The following KIF9 variants were observed in gnomAD, a reference collection of about 807,000 sequenced individuals.
KIF9 encodes the protein kinesin-like protein KIF9.
In KIF9, 68 loss-of-function variants were observed where a neutral mutation model predicts 94.8. The ratio of observed to expected loss-of-function variants is 0.72; its 90% confidence interval spans 0.59 to 0.88. The LOEUF is 0.88. Among genes scored for constraint, KIF9 ranks in the 40% least tolerant of loss-of-function variants. The pLI is 0.00. For missense variants in KIF9, 882 were observed against 982.5 expected, an observed-to-expected ratio of 0.90 and a Z score of 1.37; for synonymous variants, 343 against 362.1, an observed-to-expected ratio of 0.95 and a Z score of 0.60.
At chr3:47,263,059 T>G (rs762012163) in intron 9 of KIF9, among the ~76,000 whole-genome samples, 51 of 152,054 alleles carry the variant, frequency 3.4e-4, no homozygotes, top group Admixed American at 1.2e-3. Context: ...CCACCATGCC[T>G]AGCTAATTTT....
intron 17 of KIF9, chr3:47,239,939 G>A: frequency 1.5e-6 from 2 of 1,367,388 alleles, no homozygotes; most frequent in Non-Finnish European, 2.0e-6. Context: ...GTAAGACTGA[G>A]CCAGGAGTGT....
intron 18 of KIF9, 73 bp from the exon 19 acceptor site, chr3:47,236,222 T>C (rs1464169730): frequency 2.5e-6 from 3 of 1,202,010 alleles, no homozygotes; most frequent in East Asian, 4.7e-5. Flanking sequence ...CTTATATCTG[T>C]TGCAGGCTCA....
chr3:47,262,946 T>A (rs1205728147), intron 9 of KIF9, among the ~76,000 whole-genome samples: 4 of 152,192 alleles, frequency 2.6e-5, no homozygotes, highest in Non-Finnish European at 5.9e-5. Context: ...TCACCCAGGC[T>A]GGAGTGCAGT....
intron 20 of KIF9, among the ~76,000 whole-genome samples, chr3:47,233,965 C>T (rs1045170927): frequency 2.6e-5 from 4 of 152,112 alleles, no homozygotes; most frequent in Non-Finnish European, 5.9e-5. Context: ...GTAGCATGCC[C>T]CCAGCTACTC....
At chr3:47,236,311 C>T (rs1699022202) in intron 18 of KIF9, 132 bp downstream of exon 18, 2 of 1,097,692 alleles carry the variant, frequency 1.8e-6, no homozygotes, top group Admixed American at 2.1e-5. Context: ...GGGAACCACA[C>T]ATCTCAAGCC....
intron 10 of KIF9, among the ~76,000 whole-genome samples, chr3:47,253,320 T>C (rs763253420): frequency 2.0e-5 from 3 of 152,004 alleles, no homozygotes; most frequent in Non-Finnish European, 4.4e-5. Context: ...TACACTGAGC[T>C]AATTTTTACA....
intron 20 of KIF9, among the ~76,000 whole-genome samples, chr3:47,235,248 G>A (rs1332590291): frequency 6.6e-6 from 1 of 152,222 alleles, no homozygotes; most frequent in East Asian, 1.9e-4. Flanking sequence ...AAGCCTCAGG[G>A]GATCCCTGGG....
intron 9 of KIF9, among the ~76,000 whole-genome samples, chr3:47,258,947 T>C (rs1249171342): frequency 6.6e-6 from 1 of 152,204 alleles, no homozygotes; most frequent in African/African-American, 2.4e-5. Flanking sequence ...GAGTGCTCCA[T>C]AGCTACATGT....
chr3:47,233,947 C>T (rs992763300), intron 20 of KIF9, among the ~76,000 whole-genome samples: 61 of 151,690 alleles, frequency 4.0e-4, no homozygotes, highest in African/African-American at 1.4e-3. Flanking sequence ...AAAAATTAGC[C>T]GGGCATGGTA....
At chr3:47,250,340 T>C (rs777322919) in intron 10 of KIF9, among the ~76,000 whole-genome samples, 4 of 152,218 alleles carry the variant, frequency 2.6e-5, no homozygotes, top group Non-Finnish European at 5.9e-5. Flanking sequence ...AGTGAAACTT[T>C]AGAACTTACC....
intron 5 of KIF9, 31 bp from the exon 6 acceptor site, chr3:47,267,294 T>C (rs1214031305): frequency 2.0e-6 from 3 of 1,505,648 alleles, no homozygotes; most frequent in Admixed American, 1.7e-5. Context: ...AGGCAACATT[T>C]CGAAAAACTA....
At chr3:47,278,226 T>C (rs1472893274) in intron 1 of KIF9, among the ~76,000 whole-genome samples, 1 of 151,958 alleles carries the variant, frequency 6.6e-6, no homozygotes, top group East Asian at 1.9e-4. Context: ...TGCGTACCAC[T>C]GTGCCCGGCT....
chr3:47,273,732 C>T (rs950227314), intron 3 of KIF9, 74 bp from the exon 4 acceptor site: 1 of 1,330,012 alleles, frequency 7.5e-7, no homozygotes, highest in East Asian at 2.5e-5. Flanking sequence ...CCCAGCATGC[C>T]TGGTGCCAGC....
In KIF9 at chr3:47,228,267, G is replaced by C. The variant is rs1346495854; in HGVS notation, c.*385C>G. ...AAAGGGGCTGACCAGTGTGACAAAG[G>C]CCTGCCAGGAGGAGCCTGGCTGAGC... On this transcript the variant is annotated 3_prime_UTR_variant, in exon 21 of 21. Transcript: ENST00000684063. The C allele has an allele frequency of 5.7e-6, 1 of 175,462 alleles. No individual in the cohort carries two copies. The highest frequency in any genetic ancestry group is 2.4e-5 in the African/African-American group (1 of 42,060). 10.9% of individuals were successfully genotyped at this position (175,462 alleles called of 1,614,324 possible).
Position 47,246,238 on chromosome 3 carries a change from T to C in KIF9, c.1248A>G (p.Arg416=), listed in dbSNP as rs1259079521. The C allele has an allele frequency of 1.2e-6, 2 of 1,612,270 alleles. No individual in the cohort carries two copies. Among genetic ancestry groups the C allele is most frequent in the African/African-American group, 1.3e-5 (1 of 74,846 alleles). ...TLDEIDIISL[R]QIKEVFNQFR... The stretch of plus-strand genomic sequence containing the variant: ...ACTGGTTGAACACCTCCTTGATCTG[T>C]CTAAGGCTGATTATCTGGAGGGAAG... Residue 416 remains arginine, a synonymous_variant, in exon 13 of 21, where the codon AGA becomes AGG. Transcript: ENST00000684063.
chr3:47,262,132 C>T (rs1701015383), intron 9 of KIF9, among the ~76,000 whole-genome samples: 1 of 152,110 alleles, frequency 6.6e-6, no homozygotes, highest in South Asian at 2.1e-4. Flanking sequence ...GGAGTTGTTT[C>T]CTGAGCTGTA....
chr3:47,253,123 T>C (rs1273092852), intron 10 of KIF9, among the ~76,000 whole-genome samples: 1 of 152,192 alleles, frequency 6.6e-6, no homozygotes, highest in Admixed American at 6.5e-5. Flanking sequence ...GTGACTTTAA[T>C]AGCCTGCTGT....
At chr3:47,274,228 T>C (rs987242292) in intron 3 of KIF9, among the ~76,000 whole-genome samples, 3 of 152,188 alleles carry the variant, frequency 2.0e-5, no homozygotes, top group Non-Finnish European at 1.5e-5. Context: ...CTTCCAGAAA[T>C]GTACCACCAT....
At chr3:47,261,413 A>T (rs1383393965) in intron 9 of KIF9, among the ~76,000 whole-genome samples, 1 of 152,152 alleles carries the variant, frequency 6.6e-6, no homozygotes, top group Non-Finnish European at 1.5e-5. Flanking sequence ...GAGCAGGCCC[A>T]GATGCCATGC....
Sources: gnomAD v4.1 joint callset for allele counts (sites outside exome capture counted in the v4.1 genomes callset) on GRCh38, gnomAD v4.1.1 for gene constraint, MANE v1.5 for transcripts, NCBI Gene and HGNC (gene_info 2026-07-23, HGNC 2026-07-21) for gene names.